KIF16B: variants seen among roughly 807,000 people sequenced by gnomAD.
The protein encoded by KIF16B is kinesin-like protein KIF16B.
Under a neutral mutation model 156.3 loss-of-function variants are expected in KIF16B, and 98 were observed. That is an observed-to-expected ratio of 0.63 (90% CI 0.53 to 0.74). The LOEUF (loss-of-function observed/expected upper bound fraction) is 0.74. KIF16B is among the 30% of genes least tolerant of loss of function. KIF16B has a pLI of 0.00. For missense variants in KIF16B, 1,421 were observed against 1,606.5 expected, an observed-to-expected ratio of 0.88 and a Z score of 1.97; for synonymous variants, 564 against 583.7, an observed-to-expected ratio of 0.97 and a Z score of 0.49.
intron 22 of KIF16B, chr20:16,367,132 TA>T (rs781234745): frequency 2.9e-4 from 446 of 1,549,280 alleles, no homozygotes; most frequent in Non-Finnish European, 3.7e-4. Flanking sequence ...AGTGCATCTT[TA>T]AAAGTCTCCT....
At chr20:16,568,671 C>A (rs546375523) in intron 1 of KIF16B, among the ~76,000 whole-genome samples, 2 of 151,904 alleles carry the variant, frequency 1.3e-5, no homozygotes, top group African/African-American at 2.4e-5. Context: ...AAAAATTAGC[C>A]AAGTGTGGTG....
rs142069080 is a variant in KIF16B at position 16,414,654 on chromosome 20, C to A, written c.1613-8198G>T. ...AGAATGATTTGCCCAACTGTGTGCA[C>A]AAACTGAGTTTGAAGCTTTGTAAAA... On this transcript the variant is annotated intron_variant, in intron 15 of 25. Transcript: ENST00000354981. Among the ~76,000 whole-genome samples the A allele has an allele frequency of 4.5e-3, 682 of 152,202 alleles. 4 individuals are homozygous for A. The highest frequency in any genetic ancestry group is 0.015 in the African/African-American group (627 of 41,536).
intron 25 of KIF16B, among the ~76,000 whole-genome samples, chr20:16,274,063 T>C (rs1056718712): frequency 5.2e-5 from 7 of 135,526 alleles, no homozygotes; most frequent in African/African-American, 2.0e-4. Flanking sequence ...ACTCATTAAA[T>C]AGAAAGATGA....
chr20:16,507,042 G>A (rs1229854891), intron 7 of KIF16B, among the ~76,000 whole-genome samples: 2 of 151,452 alleles, frequency 1.3e-5, no homozygotes. Flanking sequence ...TGAGACTGCA[G>A]TGAGCCGTGA....
intron 15 of KIF16B, among the ~76,000 whole-genome samples, chr20:16,407,332 C>T (rs763214338): frequency 2.0e-5 from 3 of 152,110 alleles, no homozygotes; most frequent in African/African-American, 7.2e-5. Context: ...TGAGAGGCCA[C>T]GTGTATGGTC....
intron 17 of KIF16B, among the ~76,000 whole-genome samples, chr20:16,383,104 C>T (rs180971662): frequency 9.2e-5 from 14 of 152,226 alleles, no homozygotes; most frequent in African/African-American, 3.4e-4. Flanking sequence ...AGCAATCCTC[C>T]TCTCTGTTTC....
At chr20:16,426,957 G>C in intron 15 of KIF16B, 147 bp downstream of exon 15, 2 of 580,430 alleles carry the variant, frequency 3.4e-6, no homozygotes, top group South Asian at 4.6e-5. Context: ...CCAAACAGAA[G>C]AGAAACAGCC....
chr20:16,513,413 C>CT (rs1164706362), intron 4 of KIF16B, among the ~76,000 whole-genome samples: 3 of 152,116 alleles, frequency 2.0e-5, no homozygotes, highest in Non-Finnish European at 4.4e-5. Flanking sequence ...AATCCCAGCA[C>CT]TTTGGGAGGC....
At chr20:16,429,056 T>G (rs1486169345) in intron 13 of KIF16B, 52 bp from the exon 14 acceptor site, 1 of 1,457,880 alleles carries the variant, frequency 6.9e-7, no homozygotes, top group Admixed American at 1.7e-5. Context: ...AGGAATAGCT[T>G]GTTTCTTCAT....
chr20:16,321,480 A>T (rs2063772325), intron 24 of KIF16B, among the ~76,000 whole-genome samples: 2 of 152,124 alleles, frequency 1.3e-5, no homozygotes, highest in African/African-American at 4.8e-5. Context: ...CATCATCGTG[A>T]AAATGAAGAA....
At chr20:16,283,503 G>A (rs963996044) in intron 25 of KIF16B, among the ~76,000 whole-genome samples, 2 of 152,130 alleles carry the variant, frequency 1.3e-5, no homozygotes, top group East Asian at 3.9e-4. Flanking sequence ...GCAGCGAGCC[G>A]TGGCTGCCAG....
rs539761636 is a variant in KIF16B at position 16,520,726 on chromosome 20, C to T, written c.232-5062G>A. On this transcript the variant is annotated intron_variant, in intron 3 of 25. Transcript: ENST00000354981. The stretch of plus-strand genomic sequence containing the variant: ...AAGTGGGTCCCTGACCCCTGTGCCT[C>T]CTGACTGAGAGACACCTCCCAGCAG... Among the ~76,000 whole-genome samples the T allele has an allele frequency of 5.9e-5, 9 of 152,320 alleles. No homozygotes were observed. The South Asian group carries it at 1.7e-3, about 28-fold the overall frequency.
chr20:16,303,005 T>G (rs1352591854), intron 25 of KIF16B, among the ~76,000 whole-genome samples: 2 of 152,220 alleles, frequency 1.3e-5, no homozygotes. Flanking sequence ...TCTTGTCTTA[T>G]TGCATAAGCT....
intron 3 of KIF16B, among the ~76,000 whole-genome samples, chr20:16,519,230 G>A (rs552766708): frequency 2.0e-5 from 3 of 151,970 alleles, no homozygotes; most frequent in Non-Finnish European, 4.4e-5. Context: ...TTCAGACCAG[G>A]CACCACCTCT....
intron 24 of KIF16B, among the ~76,000 whole-genome samples, chr20:16,325,825 A>G (rs112016016): frequency 0.15 from 23,431 of 152,108 alleles, 1,974 homozygotes; most frequent in East Asian, 0.32. Flanking sequence ...GAACCAAAAA[A>G]GAGCCCACAT....
chr20:16,496,381 T>C (rs2068452835), intron 11 of KIF16B, among the ~76,000 whole-genome samples: 1 of 152,256 alleles, frequency 6.6e-6, no homozygotes, highest in African/African-American at 2.4e-5. Flanking sequence ...TTAGAAAAAG[T>C]AAGCATGCCT....
At chr20:16,363,278 A>G (rs907455786) in intron 22 of KIF16B, among the ~76,000 whole-genome samples, 11 of 152,328 alleles carry the variant, frequency 7.2e-5, no homozygotes, top group African/African-American at 1.9e-4. Context: ...GCAGCTCCCA[A>G]TGAAAAAACT....
At chr20:16,466,220 G>C (rs986646628) in intron 12 of KIF16B, among the ~76,000 whole-genome samples, 1 of 152,204 alleles carries the variant, frequency 6.6e-6, no homozygotes, top group African/African-American at 2.4e-5. Flanking sequence ...TTCCAGTTCA[G>C]CATGTTCCAC....
rs1444597593 is a variant in KIF16B at position 16,406,393 on chromosome 20, T to C, written c.1676A>G (p.Lys559Arg). ...FRFNHPKEAA[K>R]LREKRKSGLL... Reference sequence around the variant, plus strand: ...CCTCACCTTCCTCTTCTCCCTGAGCTTGGCGGCTTCCTTTGGATGGTTAAA... The same window carrying C: ...CCTCACCTTCCTCTTCTCCCTGAGCCTGGCGGCTTCCTTTGGATGGTTAAA... Residue 559 changes from lysine to arginine, a missense_variant, in exon 16 of 26, where the codon AAG (lysine) becomes AGG (arginine). Transcript: ENST00000354981. 2 of 1,613,620 alleles carry C rather than the reference T, an allele frequency of 1.2e-6. No individual in the cohort carries two copies. The highest frequency in any genetic ancestry group is 8.5e-7 in the Non-Finnish European group (1 of 1,179,646).
Sources: gnomAD v4.1 joint callset for allele counts (sites outside exome capture counted in the v4.1 genomes callset) on GRCh38, gnomAD v4.1.1 for gene constraint, MANE v1.5 for transcripts, NCBI Gene and HGNC (gene_info 2026-07-23, HGNC 2026-07-21) for gene names.